Variants in CDYL2 observed in about 807,000 individuals in gnomAD.
CDYL2 encodes the protein chromodomain Y-like protein 2.
Under a neutral mutation model 49.4 loss-of-function variants are expected in CDYL2, and 23 were observed. That is an observed-to-expected ratio of 0.47 (90% CI 0.34 to 0.66). The LOEUF is 0.66. Ranked by LOEUF, CDYL2 falls within the 30% of genes least tolerant of loss-of-function variation. The pLI, the probability that CDYL2 is intolerant of heterozygous loss-of-function variation, is 0.01. For synonymous variants in CDYL2, 360 were observed against 268.8 expected (o/e 1.34, Z -3.32); for missense variants, 678 against 656.4 (o/e 1.03, Z -0.36).
At chr16:80,743,319 T>C (rs1457932404) in intron 1 of CDYL2, among the ~76,000 whole-genome samples, 1 of 152,242 alleles carries the variant, frequency 6.6e-6, no homozygotes, top group Non-Finnish European at 1.5e-5. Flanking sequence ...TGTTATCTTC[T>C]TAAGTTCTTA....
chr16:80,642,877 T>G lies in CDYL2; in HGVS notation c.617-9641A>C, dbSNP rs571995598. On this transcript the variant is annotated intron_variant, in intron 2 of 6. Transcript: ENST00000570137. ...AGTACAATTCAAGATGAGATTTGAG[T>G]GGGGACACACAGTCAAACCATATTA... Among the ~76,000 whole-genome samples the G allele has an allele frequency of 3.9e-5, 6 of 152,224 alleles. No individual in the cohort carries two copies. The East Asian group carries it at 1.2e-3, about 29-fold the overall frequency.
chr16:80,601,108 G>A lies in CDYL2; in HGVS notation c.*3280C>T, dbSNP rs1411518571. ...CCCAGACATTATTTCTATGCCGGAA[G>A]GGGCACATTAAGTACATCAGCATTA... On this transcript the variant is annotated 3_prime_UTR_variant, in exon 7 of 7. Coordinates refer to ENST00000570137, the MANE Select transcript of CDYL2 (RefSeq NM_152342.4). The A allele has an allele frequency of 2.0e-5, 3 of 152,190 alleles. No homozygotes were observed. The highest frequency in any genetic ancestry group is 4.4e-5 in the Non-Finnish European group (3 of 68,028). The allele number at this position is 152,190 out of a possible 1,614,324, so 9.4% of individuals were successfully genotyped here. A position where few individuals can be genotyped will look rare whatever the true frequency, so the allele number is the denominator to read the frequency against.
At chr16:80,630,079 C>T (rs2142388072) in intron 3 of CDYL2, among the ~76,000 whole-genome samples, 1 of 152,326 alleles carries the variant, frequency 6.6e-6, no homozygotes, top group East Asian at 1.9e-4. Context: ...TGTATTCCTC[C>T]TCTCACACAG....
At position 80,804,372 on chromosome 16, in the gene CDYL2, G is replaced by A; in HGVS notation, c.-199C>T. ...GCGCAGAATCAGAGCGGGCGGCGGC[G>A]GGGCTGGCGTAACCGGCAGCAGCGG... is the stretch of plus-strand genomic sequence containing the variant. On this transcript the variant is annotated 5_prime_UTR_variant, in exon 1 of 7. Transcript: ENST00000570137. 1 of 221,582 alleles carries A rather than the reference G, an allele frequency of 4.5e-6. No individual in the cohort carries two copies. The highest frequency in any genetic ancestry group is 7.9e-6 in the Non-Finnish European group (1 of 126,334). 13.7% of individuals were successfully genotyped at this position (221,582 alleles called of 1,614,324 possible).
At chr16:80,739,831 G>C (rs1399747938) in intron 1 of CDYL2, among the ~76,000 whole-genome samples, 1 of 152,178 alleles carries the variant, frequency 6.6e-6, no homozygotes, top group Non-Finnish European at 1.5e-5. Context: ...CTCACACTGG[G>C]GACCTGCTGT....
chr16:80,656,018 G>A (rs1161072980), intron 2 of CDYL2, among the ~76,000 whole-genome samples: 6 of 152,222 alleles, frequency 3.9e-5, no homozygotes, highest in Non-Finnish European at 8.8e-5. Flanking sequence ...GCTAATGGGA[G>A]AAGCAAGGAA....
At position 80,612,643 on chromosome 16, in the gene CDYL2, T is replaced by C. The variant is rs1207308459; in HGVS notation, c.1201A>G (p.Ile401Val). 2 of 1,609,162 alleles carry C rather than the reference T, an allele frequency of 1.2e-6. No individual in the cohort carries two copies. The highest frequency in any genetic ancestry group is 1.7e-6 in the Non-Finnish European group (2 of 1,177,988). Residue 401 changes from isoleucine to valine, a missense_variant, in exon 5 of 7, where the codon ATC becomes GTC. Physicochemically the swap from Ile to Val is conservative, Grantham distance 29. This residue lies in a region of CDYL2 where 153 missense variants were observed against 150.6 expected (regional missense o/e 1.02). Coordinates refer to ENST00000570137, the MANE Select transcript of CDYL2 (RefSeq NM_152342.4). This position sits in a 1 kb window ranked among gnomAD's most constrained non-coding sequence, Gnocchi z 5.0. The stretch of plus-strand genomic sequence containing the variant: ...AGGCTTACCAGCGCGACGCCCAGGA[T>C]CTGGGGGAAGGTGTAGGAGGAGCAG... ...AGCSSYTFPQ[I>V]LGVALANEML...
rs112052638 is a variant in CDYL2, at chr16:80,631,255, G to C, written c.834+1764C>G. Among the ~76,000 whole-genome samples, 12 of 152,284 alleles carry C rather than the reference G, an allele frequency of 7.9e-5. 1 individual carries two copies. Among genetic ancestry groups the C allele is most frequent in the African/African-American group, 2.9e-4 (12 of 41,556 alleles). ...GAAGGGAGGTGACGAAATGACATGA[G>C]ATAAACAGCAAATACAAGGAACAAA... On this transcript the variant is annotated intron_variant, in intron 3 of 6. Coordinates refer to ENST00000570137, the MANE Select transcript of CDYL2 (RefSeq NM_152342.4).
Position 80,685,082 on chromosome 16 carries a change from C to T in CDYL2, c.72G>A (p.Glu24=), listed in dbSNP as rs1477883053. The T allele has an allele frequency of 6.8e-6, 11 of 1,613,898 alleles. 1 individual carries two copies. Among genetic ancestry groups the T allele is most frequent in the Non-Finnish European group, 9.3e-6 (11 of 1,179,944 alleles). ...DKRKNKKGKW[E]YLIRWKGYGS... ...CGTAGCCTTTCCATCGGATAAGATA[C>T]TCCCATTTTCCTTTCTTGTTCTTCC... Residue 24 remains glutamate, a synonymous_variant, in exon 2 of 7, where the codon GAG becomes GAA. Coordinates refer to ENST00000570137, the MANE Select transcript of CDYL2 (RefSeq NM_152342.4).
At chr16:80,639,961 G>C (rs78760064) in intron 2 of CDYL2, among the ~76,000 whole-genome samples, 7,477 of 152,282 alleles carry the variant, frequency 0.049, 580 homozygotes, top group African/African-American at 0.17. Context: ...CCAGTGGTCA[G>C]AACTTGAGTT....
chr16:80,720,154 AC>A (rs1480200787), intron 1 of CDYL2, among the ~76,000 whole-genome samples: 1 of 152,078 alleles, frequency 6.6e-6, no homozygotes, highest in African/African-American at 2.4e-5. Flanking sequence ...CTGAAACTAC[AC>A]AATATCCACA....
At chr16:80,778,015 TA>T (rs561762021) in intron 1 of CDYL2, among the ~76,000 whole-genome samples, 4 of 152,086 alleles carry the variant, frequency 2.6e-5, no homozygotes, top group African/African-American at 9.6e-5. Context: ...TGGAAATTTT[TA>T]AAAAAATCTG....
rs541952107 is a variant in CDYL2, at chr16:80,731,219, C to T, written c.25-46090G>A. 2.7e-5 allele frequency among the ~76,000 whole-genome samples: 4 copies of T among 150,346 alleles called. No individual in the cohort carries two copies. The South Asian group carries it at 6.4e-4, about 24-fold the overall frequency. On this transcript the variant is annotated intron_variant, in intron 1 of 6. Coordinates refer to ENST00000570137, the MANE Select transcript of CDYL2 (RefSeq NM_152342.4). The stretch of plus-strand genomic sequence containing the variant: ...AAATAAAAAAGGAATATTAACAAAA[C>T]CAAAAAGTGAAGCTCTTGAAAACTA...
intron 1 of CDYL2, among the ~76,000 whole-genome samples, chr16:80,720,318 G>C (rs527889827): frequency 6.6e-6 from 1 of 152,302 alleles, no homozygotes; most frequent in Admixed American, 6.5e-5. Context: ...AGGAAGCAAA[G>C]AGACAAAAAC....
rs1424004394 is a variant in CDYL2 at position 80,633,102 on chromosome 16, C to G, written c.751G>C (p.Asp251His). 2 of 1,614,034 alleles carry G rather than the reference C, an allele frequency of 1.2e-6. No individual in the cohort carries two copies. Among genetic ancestry groups the G allele is most frequent in the Non-Finnish European group, 1.7e-6 (2 of 1,180,034 alleles). The stretch of plus-strand genomic sequence containing the variant: ...CCTTCTTCCTTCCGCACAACGATGT[C>G]TCGAAACCGACAGTTGCTTTCATTC... ...RQNESNCRFRDIVVRKEEGFT... is the reference protein window; with the variant it reads ...RQNESNCRFRHIVVRKEEGFT... The change falls in exon 3 of 7, where the codon GAC (aspartate) becomes CAC (histidine). Residue 251 changes from aspartate to histidine, a missense_variant. Physicochemically the swap from Asp to His is moderately conservative, Grantham distance 81. This residue lies in a region of CDYL2 where 478 missense variants were observed against 427.0 expected (regional missense o/e 1.12). Coordinates refer to ENST00000570137, the MANE Select transcript of CDYL2 (RefSeq NM_152342.4).
At chr16:80,720,465 G>A (rs1904960236) in intron 1 of CDYL2, among the ~76,000 whole-genome samples, 1 of 152,204 alleles carries the variant, frequency 6.6e-6, no homozygotes, top group Admixed American at 6.5e-5. Context: ...CTTGTCATCA[G>A]TGTCATTTGA....
At chr16:80,804,992 T>C (rs1908057550), upstream of CDYL2, among the ~76,000 whole-genome samples, 1 of 152,048 alleles carries the variant, frequency 6.6e-6, no homozygotes, top group Non-Finnish European at 1.5e-5. Context: ...GGTTGTAAGA[T>C]GTGGAGGCCA....
chr16:80,610,654 C>G (rs1906553107), intron 5 of CDYL2, among the ~76,000 whole-genome samples: 1 of 152,148 alleles, frequency 6.6e-6, no homozygotes, highest in African/African-American at 2.4e-5. Flanking sequence ...GCATGTGACT[C>G]TGGGCAAGTC....
chr16:80,707,848 A>G (rs760407259), intron 1 of CDYL2, among the ~76,000 whole-genome samples: 1 of 152,240 alleles, frequency 6.6e-6, no homozygotes, highest in Non-Finnish European at 1.5e-5. Flanking sequence ...CAAGGGCACA[A>G]GTGTTTCATC....
Sources: allele counts gnomAD v4.1 joint callset (sites outside exome capture counted in the v4.1 genomes callset), GRCh38; gene constraint gnomAD v4.1.1; regional missense constraint gnomAD v4.1.1; non-coding constraint Gnocchi (gnomAD v3.1); transcripts MANE v1.5; gene names NCBI Gene and HGNC (gene_info 2026-07-23, HGNC 2026-07-21).